Variants in RYR2 observed in about 807,000 individuals in gnomAD.
RYR2 encodes the protein cardiac muscle ryanodine receptor-calcium release channel.
In RYR2, 227 loss-of-function variants were observed where a neutral mutation model predicts 601.1. The ratio of observed to expected loss-of-function variants is 0.38; its 90% CI spans 0.34 to 0.42. RYR2 has a LOEUF of 0.42. RYR2 is among the 10% of genes least tolerant of loss of function. The pLI, the probability that RYR2 is intolerant of heterozygous loss-of-function variation, is 1.00. For missense variants in RYR2, 4,646 were observed against 6,156.5 expected (o/e 0.75, Z 8.21); for synonymous variants, 2,223 against 2,175.1 (o/e 1.02, Z -0.61).
chr1:237,261,378 G>A (rs901464010), intron 1 of RYR2, among the ~76,000 whole-genome samples: 1 of 152,116 alleles, frequency 6.6e-6, no homozygotes, highest in African/African-American at 2.4e-5. Context: ...GGCTTTCCAT[G>A]GTCTGGGCCC....
chr1:237,456,986 C>A (rs915059880), intron 16 of RYR2, among the ~76,000 whole-genome samples: 5 of 152,058 alleles, frequency 3.3e-5, no homozygotes, highest in Non-Finnish European at 5.9e-5. Flanking sequence ...TATAACATGC[C>A]TCCTAATTGA....
intron 1 of RYR2, among the ~76,000 whole-genome samples, chr1:237,145,280 G>A (rs1196192339): frequency 1.3e-5 from 2 of 151,702 alleles, no homozygotes; most frequent in Non-Finnish European, 2.9e-5. Context: ...GGGACTAGCC[G>A]TTTGCAATTA....
intron 4 of RYR2, 38 bp downstream of exon 4, chr1:237,356,023 T>C (rs1699264772): frequency 6.3e-7 from 1 of 1,581,064 alleles, no homozygotes; most frequent in African/African-American, 1.3e-5. Flanking sequence ...AATTGTGATC[T>C]AAAAGTGCAT....
intron 78 of RYR2, 94 bp downstream of exon 78, chr1:237,732,243 A>T (rs1443041126): frequency 2.9e-6 from 2 of 700,322 alleles, no homozygotes; most frequent in Non-Finnish European, 4.8e-6. Context: ...TTTTAAGTTC[A>T]TCTTGTTGTT....
chr1:237,548,816 C>T (rs773731364), intron 26 of RYR2, among the ~76,000 whole-genome samples: 3 of 152,264 alleles, frequency 2.0e-5, no homozygotes, highest in African/African-American at 7.2e-5. Flanking sequence ...AATAATACTA[C>T]ACTGGTGACT....
intron 1 of RYR2, among the ~76,000 whole-genome samples, chr1:237,258,631 T>C (rs1010711382): frequency 6.6e-6 from 1 of 152,226 alleles, no homozygotes; most frequent in Non-Finnish European, 1.5e-5. Flanking sequence ...TTCAAGACTT[T>C]CTTTGAAGAT....
In RYR2 at chr1:237,651,804, A is replaced by G. The variant is rs541469665; in HGVS notation, c.7824+303A>G. On this transcript the variant is annotated intron_variant, in intron 51 of 104. Transcript: ENST00000366574. ...TGTAATCCCAGCACTTTGGGAGGCC[A>G]AGGTGGGCGGATCACGAGGTTAGGA... Among the ~76,000 whole-genome samples, 147 of 152,270 alleles carry G rather than the reference A, an allele frequency of 9.7e-4. 1 individual carries two copies. Among genetic ancestry groups the G allele is most frequent in the Admixed American group, 4.1e-3 (63 of 15,290 alleles).
chr1:237,282,711 C>G (rs1443676790), intron 2 of RYR2, among the ~76,000 whole-genome samples: 1 of 152,034 alleles, frequency 6.6e-6, no homozygotes, highest in African/African-American at 2.4e-5. Flanking sequence ...ACAGATGGTA[C>G]TTAAGTTAAT....
At chr1:237,682,069 G>A (rs542868322) in intron 62 of RYR2, among the ~76,000 whole-genome samples, 1 of 152,200 alleles carries the variant, frequency 6.6e-6, no homozygotes, top group East Asian at 1.9e-4. Context: ...CTCCTGTCTT[G>A]TGTTTTATTA....
intron 97 of RYR2, among the ~76,000 whole-genome samples, chr1:237,801,141 G>T (rs1194995310): frequency 1.3e-5 from 2 of 151,748 alleles, no homozygotes; most frequent in African/African-American, 2.4e-5. Context: ...TGAATCAAAA[G>T]TTATTCTGTT....
At chr1:237,534,586 TAAC>T (rs997905547) in intron 25 of RYR2, among the ~76,000 whole-genome samples, 1 of 151,878 alleles carries the variant, frequency 6.6e-6, no homozygotes, top group Non-Finnish European at 1.5e-5. Context: ...ACAGCAAAAA[TAAC>T]AAATCATGAC....
intron 58 of RYR2, among the ~76,000 whole-genome samples, chr1:237,669,024 C>CCTTCCG (rs1489593872): frequency 2.7e-4 from 41 of 151,412 alleles, no homozygotes; most frequent in African/African-American, 9.7e-4. Context: ...GACCCTGCGG[C>CCTTCCG]CTTCCGCAGT....
chr1:237,452,652 G>C (rs893235591), intron 14 of RYR2, among the ~76,000 whole-genome samples: 2 of 150,132 alleles, frequency 1.3e-5, no homozygotes, highest in Admixed American at 6.7e-5. Context: ...ACCTGTATTT[G>C]TTAGGTAATA....
chr1:237,058,103 G>A (rs1364870360), intron 1 of RYR2, among the ~76,000 whole-genome samples: 1 of 152,160 alleles, frequency 6.6e-6, no homozygotes, highest in African/African-American at 2.4e-5. Flanking sequence ...TGATATTGCT[G>A]GCGGGTTTTT....
chr1:237,148,527 A>ATATATATAT (rs1158996552), intron 1 of RYR2, among the ~76,000 whole-genome samples: 9 of 83,914 alleles, frequency 1.1e-4, no homozygotes, highest in Non-Finnish European at 1.7e-4. Context: ...AAAAAAAAAA[A>ATATATATAT]ATATATATAT....
chr1:237,788,712 G>C (rs188832435), intron 92 of RYR2, among the ~76,000 whole-genome samples: 1 of 152,266 alleles, frequency 6.6e-6, no homozygotes, highest in African/African-American at 2.4e-5. Flanking sequence ...TTCTTTAAGA[G>C]AGGGATTACA....
Position 237,570,939 on chromosome 1 carries a change from C to T in RYR2, c.3598+1620C>T, listed in dbSNP as rs573332227. On this transcript the variant is annotated intron_variant, in intron 29 of 104. Coordinates refer to ENST00000366574, the MANE Select transcript of RYR2 (RefSeq NM_001035.3). ...CCCAGGAGTTTGCGACCAGCCTGGG[C>T]AACATAGCAAGACTCTGTTTCTACA... Among the ~76,000 whole-genome samples the T allele has an allele frequency of 1.1e-4, 17 of 152,162 alleles. No individual in the cohort carries two copies. In the South Asian group the frequency reaches 3.1e-3, roughly 28 times the overall value.
chr1:237,595,224 G>A (rs559341126), intron 33 of RYR2, among the ~76,000 whole-genome samples: 1 of 152,138 alleles, frequency 6.6e-6, no homozygotes, highest in African/African-American at 2.4e-5. Context: ...TGAGTTTTTG[G>A]AGAGAAGGTG....
rs73099969 is a variant in RYR2 at position 237,692,666 on chromosome 1, C to A, written c.9067+5162C>A. Among the ~76,000 whole-genome samples the A allele has an allele frequency of 1.2e-3, 178 of 152,230 alleles. 2 individuals carry two copies. Among genetic ancestry groups the A allele is most frequent in the African/African-American group, 3.6e-3 (151 of 41,530 alleles). On this transcript the variant is annotated intron_variant, in intron 63 of 104. Transcript: ENST00000366574. The stretch of plus-strand genomic sequence containing the variant: ...GTTTTTGCACATGCTGTAATTATCG[C>A]CTGAGTAAAGGACCCTCACACATAA...
Sources: gnomAD v4.1 joint callset for allele counts (sites outside exome capture counted in the v4.1 genomes callset) on GRCh38, gnomAD v4.1.1 for gene constraint, MANE v1.5 for transcripts, NCBI Gene and HGNC (gene_info 2026-07-23, HGNC 2026-07-21) for gene names.